Variants in ZSWIM5 observed in about 807,000 individuals in gnomAD.
ZSWIM5 encodes zinc finger SWIM-type containing 5, also known as zinc finger SWIM domain-containing protein 5.
In ZSWIM5, 55 loss-of-function variants were observed where a neutral mutation model predicts 119.6. The ratio of observed to expected loss-of-function variants is 0.46; its 90% CI spans 0.37 to 0.58. The LOEUF is 0.58. Among genes scored for constraint, ZSWIM5 ranks in the 20% least tolerant of loss-of-function variants. The probability of loss-of-function intolerance (pLI) is 0.00; values close to 1 mark genes in which losing one functional copy is unlikely to be tolerated. For synonymous variants in ZSWIM5, 537 were observed against 606.9 expected (o/e 0.88, Z 1.69); for missense variants, 1,193 against 1,512.8 (o/e 0.79, Z 3.51).
chr1:45,078,126 G>A (rs1645266440), intron 2 of ZSWIM5, among the ~76,000 whole-genome samples: 1 of 152,214 alleles, frequency 6.6e-6, no homozygotes, highest in Admixed American at 6.5e-5. Context: ...TTGGGGAAGT[G>A]ATAAGTGTCC....
chr1:45,067,373 A>G (rs6664657), intron 2 of ZSWIM5, among the ~76,000 whole-genome samples: 151,537 of 151,592 alleles, frequency 1, 75,741 homozygotes, highest in Non-Finnish European at 1. Context: ...CAGGGAGACT[A>G]AGGCTGCAGT....
chr1:45,156,581 G>A (rs1645828253), intron 1 of ZSWIM5, among the ~76,000 whole-genome samples: 1 of 151,994 alleles, frequency 6.6e-6, no homozygotes, highest in Non-Finnish European at 1.5e-5. Context: ...GGACTTTGAT[G>A]GGAAAAGAGT....
chr1:45,169,247 C>G (rs963274834), intron 1 of ZSWIM5, among the ~76,000 whole-genome samples: 1 of 151,804 alleles, frequency 6.6e-6, no homozygotes, highest in East Asian at 1.9e-4. Flanking sequence ...AATCCTTCCT[C>G]CTTTAAAACT....
chr1:45,075,877 AT>A (rs58309693), intron 2 of ZSWIM5, among the ~76,000 whole-genome samples: 3,203 of 127,040 alleles, frequency 0.025, 44 homozygotes, highest in South Asian at 0.062. Flanking sequence ...TAGCTGTTGT[AT>A]TTTTTTTTTT....
Position 45,018,621 on chromosome 1 carries a change from T to C in ZSWIM5, c.3391A>G (p.Ser1131Gly). The C allele has an allele frequency of 6.2e-7, 1 of 1,614,200 alleles. No homozygotes were observed. Among genetic ancestry groups the C allele is most frequent in the Non-Finnish European group, 8.5e-7 (1 of 1,180,034 alleles). ...ATGAACTCTCCATAGTGGCGAGGGC[T>C]GATGTGTGTTAGGCGTGAGTGTGTA... ...NTTHSRLTHI[S>G]PRHYGEFIEF... Residue 1131 changes from serine (S) to glycine (G), a missense_variant, in exon 14 of 14, where the codon AGC (serine) becomes GGC (glycine). By Grantham distance (56) the Ser-to-Gly change is moderately conservative (BLOSUM62 0). This residue lies in a region of ZSWIM5 where 961 missense variants were observed against 1,290.0 expected (regional missense o/e 0.74). Coordinates refer to ENST00000359600, the MANE Select transcript of ZSWIM5 (RefSeq NM_020883.2). The surrounding 1 kb of genome is among the most constrained non-coding windows in gnomAD (Gnocchi z 6.7).
chr1:45,175,822 C>CATTGAATTATATCCAAA (rs1553201118), intron 1 of ZSWIM5, among the ~76,000 whole-genome samples: 2 of 151,020 alleles, frequency 1.3e-5, no homozygotes, highest in African/African-American at 4.9e-5. Flanking sequence ...TGGTTATATC[C>CATTGAATTATATCCAAA]ATTATTATCA....
At chr1:45,199,692 T>C (rs1319841930) in intron 1 of ZSWIM5, among the ~76,000 whole-genome samples, 1 of 152,138 alleles carries the variant, frequency 6.6e-6, no homozygotes, top group Non-Finnish European at 1.5e-5. Context: ...AAAACATGTA[T>C]CCAAGGAACT....
intron 11 of ZSWIM5, among the ~76,000 whole-genome samples, chr1:45,033,802 T>C (rs1007186036): frequency 1.3e-5 from 2 of 152,156 alleles, no homozygotes; most frequent in African/African-American, 4.8e-5. Context: ...AAAGATCATT[T>C]AATTTTACAT....
Position 45,058,609 on chromosome 1 carries a change from C to G in ZSWIM5, c.1252G>C (p.Gly418Arg). The G allele has an allele frequency of 6.2e-7, 1 of 1,614,178 alleles. No homozygotes were observed. The highest frequency in any genetic ancestry group is 8.5e-7 in the Non-Finnish European group (1 of 1,180,016). ...DKCRQLWDEL[G>R]ALWVCIILNP... is the part of the protein sequence containing the mutation. ...ACTTCTCTGAATGATGGGAACTTAC[C>G]TAGCTCATCCCAGAGCTGCCTGCAC... Residue 418 changes from glycine (G) to arginine (R), a missense_variant and splice_region_variant, in exon 4 of 14, where the codon GGG (glycine) becomes CGG (arginine). Transcript: ENST00000359600.
At chr1:45,076,145 T>G (rs1645255384) in intron 2 of ZSWIM5, among the ~76,000 whole-genome samples, 2 of 152,302 alleles carry the variant, frequency 1.3e-5, no homozygotes, top group African/African-American at 4.8e-5. Context: ...TAAGAGTAGT[T>G]TACACATCAC....
intron 6 of ZSWIM5, among the ~76,000 whole-genome samples, chr1:45,041,678 C>T (rs1370670491): frequency 6.6e-6 from 1 of 151,760 alleles, no homozygotes; most frequent in Non-Finnish European, 1.5e-5. Flanking sequence ...CTGGGATTAC[C>T]GATGTGTGCC....
intron 1 of ZSWIM5, among the ~76,000 whole-genome samples, chr1:45,139,341 G>A (rs1390192388): frequency 1.3e-5 from 2 of 151,296 alleles, no homozygotes; most frequent in Non-Finnish European, 3.0e-5. Context: ...CTACCATGGT[G>A]GCTAATTTCT....
intron 1 of ZSWIM5, among the ~76,000 whole-genome samples, chr1:45,204,309 T>C (rs929854557): frequency 1.3e-5 from 2 of 152,174 alleles, no homozygotes; most frequent in Non-Finnish European, 2.9e-5. Context: ...TACAGACTAA[T>C]AGGAAAATGA....
intron 1 of ZSWIM5, among the ~76,000 whole-genome samples, chr1:45,193,938 GTATA>G (rs112350029): frequency 5.7e-4 from 84 of 146,228 alleles, no homozygotes; most frequent in African/African-American, 2.8e-4. Context: ...GTGCATATGT[GTATA>G]TATATATATA....
chr1:45,054,452 C>T (rs1645109060), intron 4 of ZSWIM5, among the ~76,000 whole-genome samples: 1 of 150,744 alleles, frequency 6.6e-6, no homozygotes, highest in South Asian at 2.1e-4. Flanking sequence ...CGTGGTGGTG[C>T]GCGCCTGTAG....
intron 6 of ZSWIM5, among the ~76,000 whole-genome samples, chr1:45,041,374 A>G (rs1291148440): frequency 3.3e-5 from 5 of 152,204 alleles, no homozygotes; most frequent in Non-Finnish European, 5.9e-5. Flanking sequence ...TAGGTGAGTA[A>G]CTATAACAAG....
intron 1 of ZSWIM5, among the ~76,000 whole-genome samples, chr1:45,140,455 A>C (rs968746586): frequency 9.9e-5 from 15 of 152,216 alleles, no homozygotes. Flanking sequence ...ATGCCAACAA[A>C]GGAGATAAAA....
intron 1 of ZSWIM5, among the ~76,000 whole-genome samples, chr1:45,205,248 C>G (rs1490558234): frequency 6.6e-6 from 1 of 151,954 alleles, no homozygotes; most frequent in Admixed American, 6.6e-5. Context: ...AATCCTAACG[C>G]AGACAATTAA....
chr1:45,108,212 G>A (rs1645493667), intron 1 of ZSWIM5, among the ~76,000 whole-genome samples: 1 of 152,170 alleles, frequency 6.6e-6, no homozygotes, highest in African/African-American at 2.4e-5. Flanking sequence ...TACATATGTT[G>A]CCAAAATGGT....
Sources: allele counts gnomAD v4.1 joint callset (sites outside exome capture counted in the v4.1 genomes callset), GRCh38; gene constraint gnomAD v4.1.1; regional missense constraint gnomAD v4.1.1; non-coding constraint Gnocchi (gnomAD v3.1); transcripts MANE v1.5; gene names NCBI Gene and HGNC (gene_info 2026-07-23, HGNC 2026-07-21).